PRPSAP2: variants seen among roughly 807,000 people sequenced by gnomAD.
The protein encoded by PRPSAP2 is phosphoribosyl pyrophosphate synthase-associated protein 2.
In PRPSAP2, 24 loss-of-function variants were observed where a neutral mutation model predicts 40.6. That is an observed-to-expected ratio of 0.59 (90% CI 0.43 to 0.83). The LOEUF (loss-of-function observed/expected upper bound fraction) is 0.83, where lower values mean the gene tolerates loss of function less well. Ranked by LOEUF, PRPSAP2 falls within the 40% of genes least tolerant of loss-of-function variation. The probability of loss-of-function intolerance (pLI) is 0.00; values close to 1 mark genes in which losing one functional copy is unlikely to be tolerated. For missense variants in PRPSAP2, 292 were observed against 465.6 expected, an observed-to-expected ratio of 0.63 and a Z score of 3.43; for synonymous variants, 149 against 164.7, an observed-to-expected ratio of 0.90 and a Z score of 0.73.
At chr17:18,913,109 G>C (rs1323291231) in intron 9 of PRPSAP2, among the ~76,000 whole-genome samples, 1 of 152,168 alleles carries the variant, frequency 6.6e-6, no homozygotes. Flanking sequence ...TACCAGTCTT[G>C]GGTCTTGGGG....
chr17:18,910,971 T>G, intron 8 of PRPSAP2, 132 bp from the exon 9 acceptor site: 1 of 1,127,102 alleles, frequency 8.9e-7, no homozygotes, highest in Non-Finnish European at 1.2e-6. Context: ...CTAAGGCTGT[T>G]TTATTCTCTC....
intron 9 of PRPSAP2, among the ~76,000 whole-genome samples, chr17:18,918,562 C>G (rs1024581834): frequency 8.5e-5 from 13 of 152,320 alleles, no homozygotes; most frequent in African/African-American, 2.4e-4. Context: ...CACTCGTGTC[C>G]TAGAAGGCAG....
chr17:18,923,995 C>A lies in PRPSAP2; in HGVS notation c.804+11C>A, dbSNP rs201437852. ...ATTGCCATCATCGTGGTATGTAGAC[C>A]TCTTTTATTATTAATTCTAGTATTT... On this transcript the variant is annotated intron_variant, in intron 10 of 11. Coordinates refer to ENST00000268835, the MANE Select transcript of PRPSAP2 (RefSeq NM_002767.4). The A allele has an allele frequency of 4.6e-4, 735 of 1,598,180 alleles. 2 individuals are homozygous for A. The highest frequency in any genetic ancestry group is 2.7e-3 in the Middle Eastern group (16 of 6,028).
In PRPSAP2 at chr17:18,878,550, TTTTATTTA is replaced by T. The variant is rs558213010; in HGVS notation, c.412+696_412+703del. Among the ~76,000 whole-genome samples, 151 of 152,144 alleles carry T rather than the reference TTTTATTTA, an allele frequency of 9.9e-4. 1 individual carries two copies. Among genetic ancestry groups the T allele is most frequent in the African/African-American group, 3.5e-3 (147 of 41,512 alleles). On this transcript the variant is annotated intron_variant, in intron 6 of 11. Transcript: ENST00000268835. The stretch of plus-strand genomic sequence containing the variant: ...TGCGCGCTTGTATAAGTGTATATGA[TTTTATTTA>T]TTTATTTATTTATTTTGAGATGGAG...
chr17:18,887,555 T>C (rs994976314), intron 7 of PRPSAP2, among the ~76,000 whole-genome samples: 1 of 152,232 alleles, frequency 6.6e-6, no homozygotes, highest in African/African-American at 2.4e-5. Context: ...TTTAATCTGT[T>C]AAGTATTTCA....
intron 10 of PRPSAP2, among the ~76,000 whole-genome samples, chr17:18,926,052 C>T (rs981436429): frequency 2.6e-5 from 4 of 151,476 alleles, no homozygotes; most frequent in Admixed American, 6.6e-5. Context: ...GAGCCGAGAT[C>T]GTGCCACTGC....
intron 4 of PRPSAP2, among the ~76,000 whole-genome samples, chr17:18,869,750 C>T (rs915240794): frequency 3.3e-5 from 5 of 151,066 alleles, no homozygotes; most frequent in African/African-American, 1.2e-4. Flanking sequence ...AACATCATAC[C>T]ACATTTCTTT....
chr17:18,890,950 A>C (rs1326452173), intron 8 of PRPSAP2, among the ~76,000 whole-genome samples: 1 of 152,196 alleles, frequency 6.6e-6, no homozygotes, highest in Admixed American at 6.5e-5. Flanking sequence ...CTGATGTGTC[A>C]CTATTGCATA....
In PRPSAP2 at chr17:18,930,749, C is replaced by G. The variant is rs377470182; in HGVS notation, c.*51C>G. 1.0e-4 allele frequency: 153 copies of G among 1,504,756 alleles called. 1 individual carries two copies. Among genetic ancestry groups the G allele is most frequent in the Non-Finnish European group, 1.4e-4 (151 of 1,098,760 alleles). 93.2% of individuals were successfully genotyped at this position (1,504,756 alleles called of 1,614,324 possible). ...GGCCAAACTGGAAACATAAGAGTGA[C>G]TGCTCGGTGGGATGGATTTCACAGG... is the stretch of plus-strand genomic sequence containing the variant. On this transcript the variant is annotated 3_prime_UTR_variant, in exon 12 of 12. Transcript: ENST00000268835.
At chr17:18,864,164 T>C (rs1325153906) in intron 1 of PRPSAP2, among the ~76,000 whole-genome samples, 1 of 151,974 alleles carries the variant, frequency 6.6e-6, no homozygotes, top group Admixed American at 6.6e-5. Flanking sequence ...GTATATAATT[T>C]TTATGGAGGT....
rs762667495 is a variant in PRPSAP2 at position 18,877,854 on chromosome 17, C to T, written c.396C>T (p.Ser132=). Reference sequence around the variant, plus strand: ...CCATTGTCTCTAAATTGCTGGCTTCCATGATGTGCAAAGCTGGTAAGAATG... The same window carrying T: ...CCATTGTCTCTAAATTGCTGGCTTCTATGATGTGCAAAGCTGGTAAGAATG... ...RGSIVSKLLA[S]MMCKAGLTHL... Residue 132 remains serine, a synonymous_variant, in exon 6 of 12, where the codon TCC becomes TCT. Coordinates refer to ENST00000268835, the MANE Select transcript of PRPSAP2 (RefSeq NM_002767.4). The T allele has an allele frequency of 3.1e-6, 5 of 1,609,856 alleles. No individual in the cohort carries two copies. In the South Asian group the frequency reaches 3.3e-5, roughly 11 times the overall value.
chr17:18,860,109 G>A (rs1359511549), intron 1 of PRPSAP2, among the ~76,000 whole-genome samples: 2 of 151,418 alleles, frequency 1.3e-5, no homozygotes, highest in Non-Finnish European at 2.9e-5. Context: ...GCCCAGGTTG[G>A]AGTGTAGTGG....
intron 4 of PRPSAP2, among the ~76,000 whole-genome samples, chr17:18,871,328 CT>C (rs1374783121): frequency 6.6e-6 from 1 of 152,062 alleles, no homozygotes; most frequent in Non-Finnish European, 1.5e-5. Context: ...CCTAAAGGGT[CT>C]TTTATAGTTG....
intron 8 of PRPSAP2, among the ~76,000 whole-genome samples, chr17:18,896,781 G>T (rs570852084): frequency 8.5e-4 from 129 of 152,114 alleles, no homozygotes; most frequent in Non-Finnish European, 1.7e-3. Context: ...AATAGTGATG[G>T]TTACCTGAGA....
intron 7 of PRPSAP2, among the ~76,000 whole-genome samples, chr17:18,886,129 G>A (rs897745639): frequency 3.9e-5 from 6 of 152,118 alleles, no homozygotes; most frequent in Admixed American, 2.0e-4. Flanking sequence ...CTAAGGTGCT[G>A]TCAGTCCAGG....
chr17:18,908,929 CT>C, intron 8 of PRPSAP2: 1 of 397,088 alleles, frequency 2.5e-6, no homozygotes, highest in Non-Finnish European at 4.8e-6. Flanking sequence ...CCTGCCCCTC[CT>C]TTTCGGTTTG....
At chr17:18,907,995 C>T (rs1461625796) in intron 8 of PRPSAP2, among the ~76,000 whole-genome samples, 1 of 152,150 alleles carries the variant, frequency 6.6e-6, no homozygotes, top group Admixed American at 6.6e-5. Flanking sequence ...CAAAATTAGC[C>T]GAGCGTGGTG....
intron 3 of PRPSAP2, 133 bp from the exon 4 acceptor site, chr17:18,867,149 T>G: frequency 1.0e-6 from 1 of 952,964 alleles, no homozygotes; most frequent in East Asian, 2.6e-5. Context: ...CAATTTAATG[T>G]TGACTTTAAA....
intron 8 of PRPSAP2, among the ~76,000 whole-genome samples, chr17:18,901,725 G>A (rs1260355986): frequency 6.6e-6 from 1 of 151,704 alleles, no homozygotes; most frequent in Non-Finnish European, 1.5e-5. Context: ...TTTTAGTTGT[G>A]GGTGGCAGAA....
Sources: allele counts gnomAD v4.1 joint callset (sites outside exome capture counted in the v4.1 genomes callset), GRCh38; gene constraint gnomAD v4.1.1; transcripts MANE v1.5; gene names NCBI Gene and HGNC (gene_info 2026-07-23, HGNC 2026-07-21).